NSUN6: variants seen among roughly 807,000 people sequenced by gnomAD.
NSUN6 encodes tRNA (cytosine(72)-C(5))-methyltransferase NSUN6.
NSUN6 carries 64 observed loss-of-function variants against 58.0 expected under a neutral mutation model. That is an observed-to-expected ratio of 1.10 (90% CI 0.90 to 1.36). The LOEUF is 1.36. Ranked by LOEUF, NSUN6 falls within the 40% of genes most tolerant of loss-of-function variation. NSUN6 has a pLI of 0.00. For missense variants in NSUN6, 701 were observed against 550.1 expected, an observed-to-expected ratio of 1.27 and a Z score of -2.74; for synonymous variants, 231 against 193.9, an observed-to-expected ratio of 1.19 and a Z score of -1.59.
chr10:18,555,292 ATGGAATGGAGAATGGAATAGAG>A (rs2054908777), intron 8 of NSUN6, among the ~76,000 whole-genome samples: 2 of 151,616 alleles, frequency 1.3e-5, no homozygotes, highest in South Asian at 2.1e-4. Context: ...GAAGAATGGA[ATGGAATGGAGAATGGAATAGAG>A]TGGAATGGAG....
At chr10:18,635,317 C>T (rs1362905091) in intron 3 of NSUN6, among the ~76,000 whole-genome samples, 1 of 152,118 alleles carries the variant, frequency 6.6e-6, no homozygotes, top group Admixed American at 6.5e-5. Context: ...TGTAATAAAC[C>T]TTAGCCATTA....
intron 8 of NSUN6, among the ~76,000 whole-genome samples, chr10:18,572,360 C>T (rs571695204): frequency 4.1e-3 from 616 of 150,720 alleles, no homozygotes; most frequent in African/African-American, 0.014. Flanking sequence ...ACATTCCATT[C>T]CATTCTCCAT....
intron 8 of NSUN6, among the ~76,000 whole-genome samples, chr10:18,557,709 T>C (rs1435867667): frequency 1.4e-5 from 2 of 146,382 alleles, no homozygotes; most frequent in African/African-American, 2.5e-5. Flanking sequence ...CGGAATGAAA[T>C]GGAATGGAGA....
intron 6 of NSUN6, among the ~76,000 whole-genome samples, chr10:18,596,824 A>T (rs1181067807): frequency 6.6e-6 from 1 of 152,172 alleles, no homozygotes; most frequent in Non-Finnish European, 1.5e-5. Flanking sequence ...AGAGTACTTC[A>T]ATCTCAGCAT....
rs143907894 is a variant in NSUN6 at position 18,556,080 on chromosome 10, G to A, written c.923-4109C>T. Reference sequence around the variant, plus strand: ...GGAAAATGGAGAATGGAATGGAATCGAGAATTGAATGGAATGGAATGGAGA... The same window carrying A: ...GGAAAATGGAGAATGGAATGGAATCAAGAATTGAATGGAATGGAATGGAGA... On this transcript the variant is annotated intron_variant, in intron 8 of 10. Coordinates refer to ENST00000377304, the MANE Select transcript of NSUN6 (RefSeq NM_182543.5). 5.0e-3 allele frequency among the ~76,000 whole-genome samples: 757 copies of A among 150,480 alleles called. 6 individuals are homozygous for A. The highest frequency in any genetic ancestry group is 0.017 in the African/African-American group (717 of 41,262).
At chr10:18,629,245 C>A (rs1349750513) in intron 3 of NSUN6, among the ~76,000 whole-genome samples, 2 of 152,120 alleles carry the variant, frequency 1.3e-5, no homozygotes, top group Non-Finnish European at 1.5e-5. Flanking sequence ...AAAAGAGCTC[C>A]TGAAGGAAGC....
chr10:18,551,810 GACCACCACAT>G lies in NSUN6; in HGVS notation c.1071+3_1071+12del. On this transcript the variant is annotated splice_donor_5th_base_variant and intron_variant, in intron 9 of 10. Transcript: ENST00000377304. ...AAGTTAACTTTGTTTCACAAAAACA[GACCACCACAT>G]ACTGCAGTGAAGAGTTTTCGCTGTA... 6.2e-7 allele frequency: 1 copy of G among 1,602,562 alleles called. No homozygotes were observed. The highest frequency in any genetic ancestry group is 8.5e-7 in the Non-Finnish European group (1 of 1,173,898).
At chr10:18,601,551 A>AT (rs2057839938) in intron 6 of NSUN6, among the ~76,000 whole-genome samples, 1 of 138,462 alleles carries the variant, frequency 7.2e-6, no homozygotes, top group Non-Finnish European at 1.6e-5. Flanking sequence ...AACAGTTATG[A>AT]GCAGAACTAG....
At chr10:18,582,134 C>G (rs1324505365) in intron 8 of NSUN6, among the ~76,000 whole-genome samples, 3 of 152,194 alleles carry the variant, frequency 2.0e-5, no homozygotes, top group Non-Finnish European at 4.4e-5. Context: ...TGAGCCCACT[C>G]AGCCAACTCC....
chr10:18,628,549 A>G (rs376116425), intron 3 of NSUN6, among the ~76,000 whole-genome samples: 9 of 152,256 alleles, frequency 5.9e-5, no homozygotes, highest in African/African-American at 9.6e-5. Flanking sequence ...CCAATACAGA[A>G]AAGTGCTTAA....
At chr10:18,654,078 T>C (rs1037637888), upstream of NSUN6, among the ~76,000 whole-genome samples, 2 of 152,162 alleles carry the variant, frequency 1.3e-5, no homozygotes, top group South Asian at 2.1e-4. Flanking sequence ...ATGATAATTT[T>C]AAAAGGTTGA....
chr10:18,551,244 T>TTTGTGTGTG (rs1554847992), intron 9 of NSUN6, among the ~76,000 whole-genome samples: 1 of 127,080 alleles, frequency 7.9e-6, no homozygotes, highest in Admixed American at 8.2e-5. Context: ...GTCCTCTCAG[T>TTTGTGTGTG]TGTGTGTGTG....
In NSUN6 at chr10:18,642,559, T is replaced by A; in HGVS notation, c.232-4A>T. On this transcript the variant is annotated splice_polypyrimidine_tract_variant and splice_region_variant and intron_variant, in intron 2 of 10. Transcript: ENST00000377304. ...GAACACTTAATCCATTAAACTGCTG[T>A]TAAAGATAAACATGATTATAAAGTA... is the stretch of plus-strand genomic sequence containing the variant. 1 of 1,394,566 alleles carries A rather than the reference T, an allele frequency of 7.2e-7. No homozygotes were observed. Among genetic ancestry groups the A allele is most frequent in the Non-Finnish European group, 1.0e-6 (1 of 983,766 alleles). 86.4% of individuals were successfully genotyped at this position (1,394,566 alleles called of 1,614,324 possible).
In NSUN6 at chr10:18,651,282, A is replaced by T. The variant is rs1340913086; in HGVS notation, c.-79T>A. 3.4e-6 allele frequency: 5 copies of T among 1,473,908 alleles called. No homozygotes were observed. Among genetic ancestry groups the T allele is most frequent in the Non-Finnish European group, 4.5e-6 (5 of 1,120,186 alleles). 91.3% of individuals were successfully genotyped at this position (1,473,908 alleles called of 1,614,324 possible). On this transcript the variant is annotated 5_prime_UTR_variant, in exon 1 of 11. Transcript: ENST00000377304. The stretch of plus-strand genomic sequence containing the variant: ...TTTTTTTTTTTCTTTCCGAATTAAT[A>T]GTGACGAGTGTCTTGACACCAGATG...
At chr10:18,612,371 T>G (rs1416510944) in intron 5 of NSUN6, among the ~76,000 whole-genome samples, 1 of 152,138 alleles carries the variant, frequency 6.6e-6, no homozygotes, top group African/African-American at 2.4e-5. Flanking sequence ...ATAGTGAGCT[T>G]TCATCACACC....
chr10:18,619,709 A>C (rs1246388212), intron 3 of NSUN6, among the ~76,000 whole-genome samples: 1 of 152,198 alleles, frequency 6.6e-6, no homozygotes, highest in Non-Finnish European at 1.5e-5. Flanking sequence ...GAAGCTAAAA[A>C]ACTCGGAAAT....
intron 8 of NSUN6, 84 bp from the exon 9 acceptor site, chr10:18,552,055 T>C: frequency 2.6e-6 from 2 of 782,178 alleles, no homozygotes; most frequent in Admixed American, 2.7e-5. Flanking sequence ...GAATTTAAAA[T>C]CATAATCTAG....
At chr10:18,609,209 G>A (rs2058145255) in intron 6 of NSUN6, among the ~76,000 whole-genome samples, 1 of 152,130 alleles carries the variant, frequency 6.6e-6, no homozygotes, top group Non-Finnish European at 1.5e-5. Context: ...TATTTGCGAG[G>A]CTAAGGCAGG....
chr10:18,546,644 G>A (rs1401161120), intron 10 of NSUN6, among the ~76,000 whole-genome samples: 5 of 152,106 alleles, frequency 3.3e-5, no homozygotes, highest in South Asian at 2.1e-4. Flanking sequence ...TAGGGAGGCC[G>A]AGGCGGGCTG....
Sources: allele counts gnomAD v4.1 joint callset (sites outside exome capture counted in the v4.1 genomes callset), GRCh38; gene constraint gnomAD v4.1.1; transcripts MANE v1.5; gene names NCBI Gene and HGNC (gene_info 2026-07-23, HGNC 2026-07-21).